Variants in PTPRJ observed in about 807,000 individuals in gnomAD.
PTPRJ encodes receptor-type tyrosine-protein phosphatase eta.
In PTPRJ, 129 loss-of-function variants were observed where a neutral mutation model predicts 141.3. The observed-to-expected ratio is 0.91, with a 90% CI of 0.79 to 1.06. PTPRJ has a LOEUF of 1.06. PTPRJ is among the 50% of genes least tolerant of loss of function. The pLI is 0.00. For missense variants in PTPRJ, 1,601 were observed against 1,679.7 expected, an observed-to-expected ratio of 0.95 and a Z score of 0.82; for synonymous variants, 610 against 640.5, an observed-to-expected ratio of 0.95 and a Z score of 0.72.
Position 48,145,056 on chromosome 11 carries a change from T to C in PTPRJ, c.2843T>C (p.Ile948Thr). The change falls in exon 14 of 25, where the codon ATT (isoleucine) becomes ACT (threonine). Residue 948 changes from isoleucine (I) to threonine (T), a missense_variant. Physicochemically the swap from Ile to Thr is moderately conservative, Grantham distance 89. Transcript: ENST00000418331. ...ITFHPQNKGL[I>T]DGAESYVSFS... ...TTCCACCCTCAAAACAAGGGGCTCA[T>C]TGATGGGGCTGAGAGCTATGTGTCC... The C allele has an allele frequency of 4.3e-6, 7 of 1,614,174 alleles. No homozygotes were observed. The highest frequency in any genetic ancestry group is 5.9e-6 in the Non-Finnish European group (7 of 1,180,020).
intron 1 of PTPRJ, among the ~76,000 whole-genome samples, chr11:48,044,608 CCATTT>C (rs1223426705): frequency 6.6e-6 from 1 of 152,192 alleles, no homozygotes; most frequent in East Asian, 1.9e-4. Context: ...TCTGTATACC[CCATTT>C]CATACATGAG....
At chr11:48,033,740 A>G (rs540010845) in intron 1 of PTPRJ, among the ~76,000 whole-genome samples, 2 of 152,256 alleles carry the variant, frequency 1.3e-5, no homozygotes, top group African/African-American at 2.4e-5. Flanking sequence ...GGTAGGTGGT[A>G]CCCACAATGA....
chr11:48,137,397 T>C, intron 10 of PTPRJ, 116 bp downstream of exon 10: 3 of 1,175,896 alleles, frequency 2.6e-6, no homozygotes, highest in South Asian at 1.5e-5. Flanking sequence ...TGATGGACAT[T>C]GAGCTTTCCG....
At chr11:48,116,537 G>A (rs926645044) in intron 3 of PTPRJ, among the ~76,000 whole-genome samples, 2 of 152,174 alleles carry the variant, frequency 1.3e-5, no homozygotes, top group African/African-American at 4.8e-5. Context: ...AATCAATAAG[G>A]AAGCATCAGA....
At chr11:48,101,875 G>A (rs1004993756) in intron 1 of PTPRJ, among the ~76,000 whole-genome samples, 1 of 152,114 alleles carries the variant, frequency 6.6e-6, no homozygotes, top group Admixed American at 6.6e-5. Flanking sequence ...TTTTTTGGGG[G>A]TCATGGTGGC....
intron 1 of PTPRJ, among the ~76,000 whole-genome samples, chr11:48,084,954 A>C (rs1193489929): frequency 6.6e-6 from 1 of 152,214 alleles, no homozygotes; most frequent in African/African-American, 2.4e-5. Context: ...AGACCAATGG[A>C]TTTTCATGTA....
At chr11:48,152,708 G>C (rs181659842) in intron 18 of PTPRJ, among the ~76,000 whole-genome samples, 172 of 152,180 alleles carry the variant, frequency 1.1e-3, no homozygotes, top group African/African-American at 4.0e-3. Context: ...GCTTGTTTTT[G>C]TCAGGTTTGT....
At position 48,123,437 on chromosome 11, in the gene PTPRJ, T is replaced by C. The variant is rs555758792; in HGVS notation, c.617-176T>C. ...CCTGCTGTGAAATGATGGAAATGCA[T>C]TGGGCTCTGATAGAAAGGAAGTATT... On this transcript the variant is annotated intron_variant, in intron 4 of 24. Coordinates refer to ENST00000418331, the MANE Select transcript of PTPRJ (RefSeq NM_002843.4). Among the ~76,000 whole-genome samples, 12 of 152,316 alleles carry C rather than the reference T, an allele frequency of 7.9e-5. No individual in the cohort carries two copies. In the East Asian group the frequency reaches 1.5e-3, roughly 20 times the overall value.
Position 48,121,267 on chromosome 11 carries a change from G to T in PTPRJ, c.616+1G>T. The T allele has an allele frequency of 6.2e-7, 1 of 1,612,740 alleles. No individual in the cohort carries two copies. The highest frequency in any genetic ancestry group is 8.5e-7 in the Non-Finnish European group (1 of 1,178,788). ...CCCAGAGTCATAAAAGTCATCACAG[G>T]TAAGATGACTGGCTCCCAGGGATGA... is the stretch of plus-strand genomic sequence containing the variant. On this transcript the variant is annotated splice_donor_variant, in intron 4 of 24. Transcript: ENST00000418331. LOFTEE classifies it high-confidence loss of function.
chr11:48,119,870 C>G lies in PTPRJ; in HGVS notation c.353-1133C>G, dbSNP rs112828813. On this transcript the variant is annotated intron_variant, in intron 3 of 24. Transcript: ENST00000418331. ...ACTGCCGTATCACCTGGGTTTTACT[C>G]TTCGGTTTCTGGTTGTTACTCCTCA... Among the ~76,000 whole-genome samples the G allele has an allele frequency of 8.6e-3, 1,315 of 152,312 alleles. 23 individuals carry two copies. The highest frequency in any genetic ancestry group is 0.03 in the African/African-American group (1,242 of 41,562).
At chr11:48,073,164 G>A (rs183341048) in intron 1 of PTPRJ, among the ~76,000 whole-genome samples, 9 of 152,308 alleles carry the variant, frequency 5.9e-5, no homozygotes, top group Non-Finnish European at 8.8e-5. Context: ...AGGGAGCTAC[G>A]TATGTCTCTC....
intron 1 of PTPRJ, among the ~76,000 whole-genome samples, chr11:48,030,610 G>A: frequency 6.6e-6 from 1 of 152,206 alleles, no homozygotes. Flanking sequence ...GGGCATGGTG[G>A]TGTGTGCCTG....
At chr11:48,002,743 T>C (rs1044178578) in intron 1 of PTPRJ, among the ~76,000 whole-genome samples, 19 of 152,204 alleles carry the variant, frequency 1.2e-4, no homozygotes, top group African/African-American at 4.6e-4. Context: ...GCGAGTTTCC[T>C]GGGCGGCTTT....
Position 48,168,924 on chromosome 11 carries a change from A to T in PTPRJ, c.*1562A>T, listed in dbSNP as rs950273758. On this transcript the variant is annotated 3_prime_UTR_variant, in exon 25 of 25. Transcript: ENST00000418331. The stretch of plus-strand genomic sequence containing the variant: ...TAGGCAATGAAGTTGACAAGGTTTT[A>T]TGAAGGAATAACCAAGTCCCTGGAG... 8.5e-5 allele frequency: 13 copies of T among 152,086 alleles called. No homozygotes were observed. The highest frequency in any genetic ancestry group is 1.6e-4 in the Non-Finnish European group (11 of 68,014). 9.4% of individuals were successfully genotyped at this position (152,086 alleles called of 1,614,324 possible).
intron 10 of PTPRJ, among the ~76,000 whole-genome samples, chr11:48,137,655 C>T (rs76647012): frequency 1.7e-3 from 256 of 152,174 alleles, no homozygotes; most frequent in African/African-American, 5.6e-3. Context: ...ACATTACAGG[C>T]AGAGGCCTGT....
At chr11:48,040,913 C>T (rs764214490) in intron 1 of PTPRJ, among the ~76,000 whole-genome samples, 2 of 152,060 alleles carry the variant, frequency 1.3e-5, no homozygotes, top group Non-Finnish European at 2.9e-5. Flanking sequence ...ACATTCTTTT[C>T]TTCTGTTCAC....
At chr11:48,004,120 A>C (rs976011964) in intron 1 of PTPRJ, among the ~76,000 whole-genome samples, 1 of 152,190 alleles carries the variant, frequency 6.6e-6, no homozygotes, top group African/African-American at 2.4e-5. Flanking sequence ...TTTTAGCTCT[A>C]ACGTGATTGT....
At chr11:48,077,292 G>T (rs1245791496) in intron 1 of PTPRJ, among the ~76,000 whole-genome samples, 2 of 152,178 alleles carry the variant, frequency 1.3e-5, no homozygotes, top group Non-Finnish European at 2.9e-5. Context: ...GGAGTTGCAG[G>T]TTACATAGCA....
At position 48,120,931 on chromosome 11, in the gene PTPRJ, A is replaced by G. The variant is rs1333220262; in HGVS notation, c.353-72A>G. On this transcript the variant is annotated intron_variant, in intron 3 of 24. Transcript: ENST00000418331. ...GGAAAGTCACTTCTGGAAACTAGAC[A>G]TATAGAGCAGACCTCACTCTTACAT... is the stretch of plus-strand genomic sequence containing the variant. 7 of 1,356,106 alleles carry G rather than the reference A, an allele frequency of 5.2e-6. No individual in the cohort carries two copies. The East Asian group carries it at 7.5e-5, about 15-fold the overall frequency. The allele number at this position is 1,356,106 out of a possible 1,614,324, so 84.0% of individuals were successfully genotyped here.
Sources: gnomAD v4.1 joint callset for allele counts (sites outside exome capture counted in the v4.1 genomes callset) on GRCh38, gnomAD v4.1.1 for gene constraint, MANE v1.5 for transcripts, NCBI Gene and HGNC (gene_info 2026-07-23, HGNC 2026-07-21) for gene names.